The following RB1CC1 variants were observed in gnomAD, a reference collection of about 807,000 sequenced individuals.
RB1CC1 encodes the protein RB1 inducible coiled-coil 1.
In RB1CC1, 46 loss-of-function variants were observed where a neutral mutation model predicts 177.5. That is an observed-to-expected ratio of 0.26 (90% CI 0.20 to 0.33). The LOEUF (loss-of-function observed/expected upper bound fraction) is 0.33, where lower values mean the gene tolerates loss of function less well. Among genes scored for constraint, RB1CC1 ranks in the 10% least tolerant of loss-of-function variants. The probability of loss-of-function intolerance (pLI) is 1.00; values close to 1 mark genes in which losing one functional copy is unlikely to be tolerated. For synonymous variants in RB1CC1, 666 were observed against 613.6 expected (o/e 1.09, Z -1.26); for missense variants, 1,703 against 1,816.3 (o/e 0.94, Z 1.13).
chr8:52,668,215 G>T, intron 7 of RB1CC1, 24 bp from the exon 8 acceptor site: 2 of 1,606,418 alleles, frequency 1.2e-6, no homozygotes, highest in South Asian at 1.1e-5. Flanking sequence ...AAACACATAC[G>T]AATACAATTT....
chr8:52,653,145 A>T (rs1241110000), intron 15 of RB1CC1, among the ~76,000 whole-genome samples: 1 of 152,214 alleles, frequency 6.6e-6, no homozygotes, highest in East Asian at 1.9e-4. Context: ...GGTATACTGG[A>T]AGGGATTTAT....
chr8:52,661,326 C>T, intron 9 of RB1CC1, 45 bp from the exon 10 acceptor site: 1 of 1,595,728 alleles, frequency 6.3e-7, no homozygotes. Flanking sequence ...AAAACTGGTA[C>T]TAACTTAGTT....
At chr8:52,663,300 G>A (rs1277387341) in intron 8 of RB1CC1, among the ~76,000 whole-genome samples, 2 of 151,716 alleles carry the variant, frequency 1.3e-5, no homozygotes, top group Non-Finnish European at 2.9e-5. Flanking sequence ...AATGGCTAGA[G>A]AATGAATATT....
At chr8:52,682,475 TG>T (rs1853844681) in intron 5 of RB1CC1, among the ~76,000 whole-genome samples, 1 of 152,198 alleles carries the variant, frequency 6.6e-6, no homozygotes, top group Admixed American at 6.5e-5. Flanking sequence ...ATTTTAAATA[TG>T]ATGCATTAAA....
intron 15 of RB1CC1, 139 bp downstream of exon 15, chr8:52,655,869 A>AAGT: frequency 1.6e-6 from 1 of 621,872 alleles, no homozygotes; most frequent in Non-Finnish European, 2.6e-6. Context: ...ACTGACTAAA[A>AAGT]AGTAAGTTTT....
intron 18 of RB1CC1, among the ~76,000 whole-genome samples, chr8:52,638,720 A>C: frequency 6.6e-6 from 1 of 152,206 alleles, no homozygotes; most frequent in African/African-American, 2.4e-5. Flanking sequence ...GTAAGTTCAA[A>C]AAAAAATTTA....
rs1324987398 is a variant in RB1CC1, at chr8:52,657,146, A to G, written c.2683T>C (p.Leu895=). The G allele has an allele frequency of 6.2e-7, 1 of 1,609,972 alleles. No individual in the cohort carries two copies. Among genetic ancestry groups the G allele is most frequent in the African/African-American group, 1.3e-5 (1 of 74,752 alleles). Residue 895 remains leucine, a synonymous_variant, in exon 15 of 24, where the codon TTG becomes CTG. Coordinates refer to ENST00000025008, the MANE Select transcript of RB1CC1 (RefSeq NM_014781.5). The part of the protein sequence containing the change: ...TEENENKIKK[L]KGELVCLEEV... ...TCAAGGCATACTAACTCTCCCTTCA[A>G]TTTTTTAATTTTGTTTTCATTCTCT...
intron 2 of RB1CC1, among the ~76,000 whole-genome samples, 154 bp downstream of exon 2, chr8:52,686,699 A>G (rs955968182): frequency 1.3e-5 from 2 of 152,256 alleles, no homozygotes; most frequent in African/African-American, 4.8e-5. Flanking sequence ...CCCAGAAAGT[A>G]GTAGGTACCT....
chr8:52,712,290 A>G (rs911821889), intron 1 of RB1CC1, among the ~76,000 whole-genome samples: 1 of 152,228 alleles, frequency 6.6e-6, no homozygotes, highest in African/African-American at 2.4e-5. Flanking sequence ...TGCAAAGTAA[A>G]GCATGTAGGT....
intron 7 of RB1CC1, among the ~76,000 whole-genome samples, chr8:52,668,660 C>T (rs1563410654): frequency 6.6e-6 from 1 of 152,172 alleles, no homozygotes; most frequent in African/African-American, 2.4e-5. Flanking sequence ...ACTCTTCCAT[C>T]TCTCCTGTTC....
chr8:52,631,888 T>C (rs563605903), intron 20 of RB1CC1, among the ~76,000 whole-genome samples: 1 of 152,294 alleles, frequency 6.6e-6, no homozygotes, highest in East Asian at 1.9e-4. Context: ...CTCTGACACC[T>C]TGCCTAGCAA....
chr8:52,645,655 G>A (rs1483743491), intron 16 of RB1CC1, 47 bp downstream of exon 16: 5 of 1,556,652 alleles, frequency 3.2e-6, no homozygotes, highest in Non-Finnish European at 4.4e-6. Context: ...GTTAATTTAT[G>A]TCTACCTTCT....
intron 1 of RB1CC1, among the ~76,000 whole-genome samples, chr8:52,708,511 G>A (rs113799595): frequency 2.6e-4 from 39 of 151,068 alleles, no homozygotes; most frequent in East Asian, 9.7e-4. Flanking sequence ...AGCGAGACTC[G>A]TCTCAAAAAC....
intron 7 of RB1CC1, among the ~76,000 whole-genome samples, chr8:52,668,392 A>G (rs1467226377): frequency 1.3e-5 from 2 of 152,216 alleles, no homozygotes; most frequent in African/African-American, 4.8e-5. Flanking sequence ...TTTACACTAG[A>G]ATACATAATT....
intron 1 of RB1CC1, among the ~76,000 whole-genome samples, chr8:52,689,374 A>G (rs1854603235): frequency 6.6e-6 from 1 of 152,152 alleles, no homozygotes. Flanking sequence ...CTACTGCCTT[A>G]AATCAGACCC....
intron 1 of RB1CC1, among the ~76,000 whole-genome samples, chr8:52,712,433 A>G (rs1036376865): frequency 1.4e-5 from 2 of 147,264 alleles, no homozygotes; most frequent in South Asian, 4.6e-4. Context: ...TTCTGCCTTT[A>G]TGAACTTGAT....
rs746600749 is a variant in RB1CC1 at position 52,657,786 on chromosome 8, A to G, written c.2043T>C (p.Cys681=). ...ATTCTTCTAAGGGACAAACTGCAGG[A>G]CATAAGGGATCCTGAACAGTCAGTG... ...PPPLTVQDPL[C]PAVCPLEELS... The change falls in exon 15 of 24, where the codon TGT becomes TGC. Residue 681 remains cysteine, a synonymous_variant. Coordinates refer to ENST00000025008, the MANE Select transcript of RB1CC1 (RefSeq NM_014781.5). 5.6e-6 allele frequency: 9 copies of G among 1,613,842 alleles called. No homozygotes were observed. The Admixed American group carries it at 1.5e-4, about 27-fold the overall frequency.
chr8:52,660,580 G>GA lies in RB1CC1; in HGVS notation c.1689+15dup. ...AACATATGGAATTTAGTCATGGTTA[G>GA]AAAATAAATACATACACAAAAGGAA... On this transcript the variant is annotated intron_variant, in intron 12 of 23. Coordinates refer to ENST00000025008, the MANE Select transcript of RB1CC1 (RefSeq NM_014781.5). 6.4e-7 allele frequency: 1 copy of GA among 1,569,850 alleles called. No homozygotes were observed. The highest frequency in any genetic ancestry group is 8.6e-7 in the Non-Finnish European group (1 of 1,161,044).
chr8:52,645,924 C>A, intron 15 of RB1CC1, 57 bp from the exon 16 acceptor site: 3 of 1,472,406 alleles, frequency 2.0e-6, no homozygotes, highest in Non-Finnish European at 2.8e-6. Flanking sequence ...CACAAATATA[C>A]CAAATATCAT....
Sources: gnomAD v4.1 joint callset for allele counts (sites outside exome capture counted in the v4.1 genomes callset) on GRCh38, gnomAD v4.1.1 for gene constraint, MANE v1.5 for transcripts, NCBI Gene and HGNC (gene_info 2026-07-23, HGNC 2026-07-21) for gene names.